The following PCDHGA11 variants were observed in gnomAD, a reference collection of about 807,000 sequenced individuals.
The protein encoded by PCDHGA11 is protocadherin gamma subfamily A, 11, also known as protocadherin gamma-A11.
Under a neutral mutation model 60.4 loss-of-function variants are expected in PCDHGA11, and 39 were observed. That is an observed-to-expected ratio of 0.65 (90% CI 0.50 to 0.84). The LOEUF (loss-of-function observed/expected upper bound fraction) is 0.84. Among genes scored for constraint, PCDHGA11 ranks in the 40% least tolerant of loss-of-function variants. The probability of loss-of-function intolerance (pLI) is 0.00; values close to 1 mark genes in which losing one functional copy is unlikely to be tolerated. For synonymous variants in PCDHGA11, 533 were observed against 510.3 expected (o/e 1.04, Z -0.60); for missense variants, 1,165 against 1,197.7 (o/e 0.97, Z 0.40).
rs1158395811 is a variant in PCDHGA11, at chr5:141,476,020, T to TCGGCGCC, written c.2434-18785_2434-18779dup. The stretch of plus-strand genomic sequence containing the variant: ...CGGCATCCAGAAAGCCATGTCGGAC[T>TCGGCGCC]CGGCGCCCAGCGCCCAAGCGCTAAC... On this transcript the variant is annotated intron_variant, in intron 1 of 3. Transcript: ENST00000398587. The surrounding 1 kb of genome is among the most constrained non-coding windows in gnomAD (Gnocchi z 7.6). 2.1e-6 allele frequency: 3 copies of TCGGCGCC among 1,398,716 alleles called. No homozygotes were observed. The African/African-American group carries it at 4.3e-5, about 20-fold the overall frequency. The allele number at this position is 1,398,716 out of a possible 1,614,324, so 86.6% of individuals were successfully genotyped here. A position where few individuals can be genotyped will look rare whatever the true frequency, so the allele number is the denominator to read the frequency against.
chr5:141,459,699 A>G (rs2098973201), intron 1 of PCDHGA11, among the ~76,000 whole-genome samples: 1 of 152,218 alleles, frequency 6.6e-6, no homozygotes, highest in Non-Finnish European at 1.5e-5. Flanking sequence ...TCCGCTTGCT[A>G]CATTTTCTCA....
Position 141,487,649 on chromosome 5 carries a change from G to T in PCDHGA11, c.2434-7158G>T. The T allele has an allele frequency of 1.2e-6, 2 of 1,614,020 alleles. No individual in the cohort carries two copies. The highest frequency in any genetic ancestry group is 1.7e-6 in the Non-Finnish European group (2 of 1,179,968). The stretch of plus-strand genomic sequence containing the variant: ...TTTGCAGGCTCAACAAATGCTTGAG[G>T]GTTATTCTGATCCAGGCATATGGCT... On this transcript the variant is annotated intron_variant, in intron 1 of 3. Coordinates refer to ENST00000398587, the MANE Select transcript of PCDHGA11 (RefSeq NM_018914.3). This position sits in a 1 kb window ranked among gnomAD's most constrained non-coding sequence, Gnocchi z 5.0.
In PCDHGA11 at chr5:141,487,102, G is replaced by C; in HGVS notation, c.2434-7705G>C. The C allele has an allele frequency of 6.2e-7, 1 of 1,613,900 alleles. No homozygotes were observed. Among genetic ancestry groups the C allele is most frequent in the Non-Finnish European group, 8.5e-7 (1 of 1,179,818 alleles). ...CAGCTGACCTCCCACCACAGAAGCTGGTCATTGTGGTAAAGGATAGTGGTA... is the reference window on the plus strand; with the variant it reads ...CAGCTGACCTCCCACCACAGAAGCTCGTCATTGTGGTAAAGGATAGTGGTA... On this transcript the variant is annotated intron_variant, in intron 1 of 3. Transcript: ENST00000398587. This position sits in a 1 kb window ranked among gnomAD's most constrained non-coding sequence, Gnocchi z 5.0.
At position 141,487,760 on chromosome 5, in the gene PCDHGA11, G is replaced by T; in HGVS notation, c.2434-7047G>T. On this transcript the variant is annotated intron_variant, in intron 1 of 3. Transcript: ENST00000398587. The surrounding 1 kb of genome is among the most constrained non-coding windows in gnomAD (Gnocchi z 5.0). Reference sequence around the variant, plus strand: ...TGTAAGAGGTAACTATGTGGTAGACGCTGTGCTTTGTAACTGTTTCGTGAA... The same window carrying T: ...TGTAAGAGGTAACTATGTGGTAGACTCTGTGCTTTGTAACTGTTTCGTGAA... 1 of 1,545,950 alleles carries T rather than the reference G, an allele frequency of 6.5e-7. No individual in the cohort carries two copies. The highest frequency in any genetic ancestry group is 1.4e-5 in the African/African-American group (1 of 73,162).
At position 141,511,575 on chromosome 5, in the gene PCDHGA11, T is replaced by C. The variant is rs930675653; in HGVS notation, c.*402T>C. On this transcript the variant is annotated 3_prime_UTR_variant, in exon 4 of 4. Transcript: ENST00000398587. ...AGTTCCTCTTTCCCGAGTAAGGTGG[T>C]TGGGGTGTTGAAGTACCAAGTAACC... 28 of 287,258 alleles carry C rather than the reference T, an allele frequency of 9.7e-5. No individual in the cohort carries two copies. Among genetic ancestry groups the C allele is most frequent in the Middle Eastern group, 1.3e-3 (1 of 784 alleles). The allele number at this position is 287,258 out of a possible 1,614,324, so 17.8% of individuals were successfully genotyped here.
At chr5:141,481,762 GC>G (rs1307001837) in intron 1 of PCDHGA11, among the ~76,000 whole-genome samples, 1 of 152,126 alleles carries the variant, frequency 6.6e-6, no homozygotes, top group Admixed American at 6.5e-5. Context: ...GACCAGCCTG[GC>G]CAACATGGTG....
chr5:141,489,300 C>G lies in PCDHGA11; in HGVS notation c.2434-5507C>G. The G allele has an allele frequency of 6.3e-7, 1 of 1,585,700 alleles. No individual in the cohort carries two copies. The highest frequency in any genetic ancestry group is 1.2e-5 in the South Asian group (1 of 85,012). Reference sequence around the variant, plus strand: ...AATGGCAAGTGCTGTGCATGTTGTCCTTGTGCTGCTGGGGCTGGGTGTCTG... The same window carrying G: ...AATGGCAAGTGCTGTGCATGTTGTCGTTGTGCTGCTGGGGCTGGGTGTCTG... On this transcript the variant is annotated intron_variant, in intron 1 of 3. Coordinates refer to ENST00000398587, the MANE Select transcript of PCDHGA11 (RefSeq NM_018914.3). This position sits in a 1 kb window ranked among gnomAD's most constrained non-coding sequence, Gnocchi z 4.5.
chr5:141,491,114 C>T lies in PCDHGA11; in HGVS notation c.2434-3693C>T, dbSNP rs1240431232. 1 of 1,614,104 alleles carries T rather than the reference C, an allele frequency of 6.2e-7. No homozygotes were observed. Among genetic ancestry groups the T allele is most frequent in the Admixed American group, 1.7e-5 (1 of 60,012 alleles). ...GGACTGTTCCTCGTGTCTACACACA[C>T]TGGTGAGGTGCGCACAGCCCGGGCC... On this transcript the variant is annotated intron_variant, in intron 1 of 3. Transcript: ENST00000398587. The surrounding 1 kb of genome is among the most constrained non-coding windows in gnomAD (Gnocchi z 6.9).
chr5:141,482,135 G>T (rs987110875), intron 1 of PCDHGA11, among the ~76,000 whole-genome samples: 1 of 151,836 alleles, frequency 6.6e-6, no homozygotes, highest in African/African-American at 2.4e-5. Context: ...CATATGGCTG[G>T]CATAAAAAGG....
chr5:141,487,633 T>C lies in PCDHGA11; in HGVS notation c.2434-7174T>C. On this transcript the variant is annotated intron_variant, in intron 1 of 3. Transcript: ENST00000398587. The surrounding 1 kb of genome is among the most constrained non-coding windows in gnomAD (Gnocchi z 5.0). ...GGCTAGAGGTGAGACCTTTGCAGGCTCAACAAATGCTTGAGGGTTATTCTG... is the reference window on the plus strand; with the variant it reads ...GGCTAGAGGTGAGACCTTTGCAGGCCCAACAAATGCTTGAGGGTTATTCTG... 3 of 1,614,164 alleles carry C rather than the reference T, an allele frequency of 1.9e-6. No individual in the cohort carries two copies. The highest frequency in any genetic ancestry group is 2.7e-5 in the African/African-American group (2 of 75,052).
intron 1 of PCDHGA11, 90 bp downstream of exon 1, chr5:141,423,750 TGGGG>T: frequency 7.0e-5 from 20 of 287,406 alleles, no homozygotes; most frequent in Non-Finnish European, 9.0e-5. Context: ...GAAAACTGTT[TGGGG>T]GGGGGGTGGG....
chr5:141,479,939 A>G (rs763454741), intron 1 of PCDHGA11, among the ~76,000 whole-genome samples: 2 of 152,004 alleles, frequency 1.3e-5, no homozygotes, highest in Non-Finnish European at 2.9e-5. Flanking sequence ...ATTGCTATCA[A>G]CTCTTGGATT....
intron 1 of PCDHGA11, among the ~76,000 whole-genome samples, chr5:141,492,418 C>T (rs1428695013): frequency 2.0e-5 from 3 of 152,236 alleles, no homozygotes; most frequent in Admixed American, 1.3e-4. Flanking sequence ...CCGCTCCCTC[C>T]GCCGGGCTCA....
In PCDHGA11 at chr5:141,491,492, T is replaced by G. The variant is rs763487622; in HGVS notation, c.2434-3315T>G. On this transcript the variant is annotated intron_variant, in intron 1 of 3. Coordinates refer to ENST00000398587, the MANE Select transcript of PCDHGA11 (RefSeq NM_018914.3). This position sits in a 1 kb window ranked among gnomAD's most constrained non-coding sequence, Gnocchi z 6.9. ...AAGCAGTCCAGCCCCAACCTGCAGG[T>G]GAGCTCGGACGGCACGCTCAAGTAC... 3.1e-6 allele frequency: 5 copies of G among 1,614,024 alleles called. No homozygotes were observed. The highest frequency in any genetic ancestry group is 3.4e-6 in the Non-Finnish European group (4 of 1,180,006).
At chr5:141,463,728 G>C (rs957615020) in intron 1 of PCDHGA11, among the ~76,000 whole-genome samples, 3 of 152,066 alleles carry the variant, frequency 2.0e-5, no homozygotes, top group African/African-American at 7.2e-5. Context: ...TTACAGGCAT[G>C]AGCCACCGCG....
At position 141,477,458 on chromosome 5, in the gene PCDHGA11, T is replaced by C; in HGVS notation, c.2434-17349T>C. 6.2e-7 allele frequency: 1 copy of C among 1,614,126 alleles called. No homozygotes were observed. The highest frequency in any genetic ancestry group is 8.5e-7 in the Non-Finnish European group (1 of 1,180,022). ...CCTTACAATAGTGCGTGTTCAAGTG[T>C]CCGACATCAATGACAACCCTCCACA... On this transcript the variant is annotated intron_variant, in intron 1 of 3. Transcript: ENST00000398587. This position sits in a 1 kb window ranked among gnomAD's most constrained non-coding sequence, Gnocchi z 4.9.
rs147506725 is a variant in PCDHGA11, at chr5:141,442,240, G to A, written c.2433+18580G>A. Reference sequence around the variant, plus strand: ...CTTTAATTTCCTTTTTATTCTTCCTGATTGCATTGTTTGTGCTGGTTTTAA... The same window carrying A: ...CTTTAATTTCCTTTTTATTCTTCCTAATTGCATTGTTTGTGCTGGTTTTAA... On this transcript the variant is annotated intron_variant, in intron 1 of 3. Transcript: ENST00000398587. 1,291 of 153,334 alleles carry A rather than the reference G, an allele frequency of 8.4e-3. 26 individuals carry two copies. The highest frequency in any genetic ancestry group is 0.029 in the African/African-American group (1,208 of 41,552). 9.5% of individuals were successfully genotyped at this position (153,334 alleles called of 1,614,324 possible).
rs772659046 is a variant in PCDHGA11 at position 141,426,970 on chromosome 5, A to C, written c.2433+3310A>C. On this transcript the variant is annotated intron_variant, in intron 1 of 3. Coordinates refer to ENST00000398587, the MANE Select transcript of PCDHGA11 (RefSeq NM_018914.3). Reference sequence around the variant, plus strand: ...ACTGGCACTGCTGCAATTCAAATTGAGGTCACTGATGCCAACGATAATGCC... The same window carrying C: ...ACTGGCACTGCTGCAATTCAAATTGCGGTCACTGATGCCAACGATAATGCC... 72 of 456,624 alleles carry C rather than the reference A, an allele frequency of 1.6e-4. No homozygotes were observed. In the Middle Eastern group the frequency reaches 1.6e-3, roughly 10 times the overall value. The allele number at this position is 456,624 out of a possible 1,614,324, so 28.3% of individuals were successfully genotyped here. A position where few individuals can be genotyped will look rare whatever the true frequency, so the allele number is the denominator to read the frequency against.
In PCDHGA11 at chr5:141,423,674, C is replaced by G. The variant is rs57195665; in HGVS notation, c.2433+14C>G. 9.9e-6 allele frequency: 15 copies of G among 1,514,742 alleles called. No individual in the cohort carries two copies. The highest frequency in any genetic ancestry group is 2.9e-5 in the African/African-American group (2 of 68,420). 93.8% of individuals were successfully genotyped at this position (1,514,742 alleles called of 1,614,324 possible). A position where few individuals can be genotyped will look rare whatever the true frequency, so the allele number is the denominator to read the frequency against. ...ACAAGTAATCAGGTGAGATTTATTT[C>G]TCTGCCTCCTAATTGTTGGTGTCTT... is the stretch of plus-strand genomic sequence containing the variant. On this transcript the variant is annotated intron_variant, in intron 1 of 3. Transcript: ENST00000398587.
Sources: allele counts gnomAD v4.1 joint callset (sites outside exome capture counted in the v4.1 genomes callset), GRCh38; gene constraint gnomAD v4.1.1; non-coding constraint Gnocchi (gnomAD v3.1); transcripts MANE v1.5; gene names NCBI Gene and HGNC (gene_info 2026-07-23, HGNC 2026-07-21).